SHROOM4: variants seen among roughly 807,000 people sequenced by gnomAD.
SHROOM4 encodes the protein shroom family member 4.
Under a neutral mutation model 80.3 loss-of-function variants are expected in SHROOM4, and 17 were observed. The ratio of observed to expected loss-of-function variants is 0.21; its 90% CI spans 0.14 to 0.32. The LOEUF (loss-of-function observed/expected upper bound fraction) is 0.32. SHROOM4 is among the 10% of genes least tolerant of loss of function. The pLI is 1.00. For missense variants in SHROOM4, 993 were observed against 1,140.3 expected, an observed-to-expected ratio of 0.87 and a Z score of 1.86; for synonymous variants, 400 against 437.5, an observed-to-expected ratio of 0.91 and a Z score of 1.07.
intron 1 of SHROOM4, among the ~76,000 whole-genome samples, chrX:50,726,744 T>C (rs782296445): frequency 8.8e-6 from 1 of 113,099 alleles, no homozygotes; most frequent in African/African-American, 3.2e-5. Context: ...GGTATGGAAA[T>C]GCCTGGATGT....
chrX:50,787,348 T>C (rs1569549023), intron 1 of SHROOM4, among the ~76,000 whole-genome samples: 5 of 111,253 alleles, frequency 4.5e-5, no homozygotes, highest in Non-Finnish European at 9.4e-5. Context: ...AGACAAGTCG[T>C]TGGTAATTAT....
chrX:50,579,198 G>C, the SHROOM4 span, among the ~76,000 whole-genome samples: 7 of 112,050 alleles, frequency 6.2e-5, no homozygotes, highest in Non-Finnish European at 1.3e-4. Flanking sequence ...GTTATAACTT[G>C]TAAACCAGAA....
Position 50,607,497 on chromosome X carries a change from G to T in SHROOM4, c.3645C>A (p.Phe1215Leu). ...CCAAGTGACCCCTTATTGGAGGCAAGAAATCACTGGAATGGAGTGCAAAGG... is the reference window on the plus strand; with the variant it reads ...CCAAGTGACCCCTTATTGGAGGCAATAAATCACTGGAATGGAGTGCAAAGG... ...QESFALHSSD[F>L]LPPIRGHLGS... The change falls in exon 6 of 9, where the codon TTC becomes TTA. Residue 1215 changes from phenylalanine to leucine, a missense_variant. Transcript: ENST00000376020. 3 of 1,211,416 alleles carry T rather than the reference G, an allele frequency of 2.5e-6. No homozygotes were observed. The highest frequency in any genetic ancestry group is 3.5e-5 in the South Asian group (2 of 56,915).
rs1930861772 is a variant in SHROOM4 at position 50,627,680 on chromosome X, A to G, written c.2896-5T>C. ...CCATTTGTCCCCAGGAAATTCCTGT[A>G]AAGAAAAATCCTGATAAGTTAGAAA... On this transcript the variant is annotated splice_polypyrimidine_tract_variant and splice_region_variant and intron_variant, in intron 4 of 8. Coordinates refer to ENST00000376020, the MANE Select transcript of SHROOM4 (RefSeq NM_020717.5). The G allele has an allele frequency of 1.7e-6, 2 of 1,203,558 alleles. No individual in the cohort carries two copies. Among genetic ancestry groups the G allele is most frequent in the Admixed American group, 4.4e-5 (2 of 45,753 alleles).
In SHROOM4 at chrX:50,689,708, C is replaced by T. The variant is rs185114662; in HGVS notation, c.269+6078G>A. On this transcript the variant is annotated intron_variant, in intron 2 of 8. Coordinates refer to ENST00000376020, the MANE Select transcript of SHROOM4 (RefSeq NM_020717.5). ...CCTTTGAACTGGTTGTAACACTTTA[C>T]GTTTTCCTCATTAATGAGTGAAATA... Among the ~76,000 whole-genome samples the T allele has an allele frequency of 4.0e-3, 449 of 111,951 alleles. 4 individuals carry two copies. Among genetic ancestry groups the T allele is most frequent in the African/African-American group, 0.014 (417 of 30,848 alleles).
chrX:50,580,234 A>G, the SHROOM4 span, among the ~76,000 whole-genome samples: 1 of 112,290 alleles, frequency 8.9e-6, no homozygotes, highest in African/African-American at 3.2e-5. Context: ...CATCAGAATC[A>G]GCTAGAGGGC....
chrX:50,735,732 G>A (rs1934469918), intron 1 of SHROOM4, among the ~76,000 whole-genome samples: 1 of 111,782 alleles, frequency 8.9e-6, no homozygotes, highest in Admixed American at 9.5e-5. Flanking sequence ...ACGTGGCTGG[G>A]CGCAGTGGCT....
chrX:50,674,672 T>C (rs1932833995), intron 2 of SHROOM4, among the ~76,000 whole-genome samples: 1 of 111,536 alleles, frequency 9.0e-6, no homozygotes, highest in East Asian at 2.8e-4. Context: ...ATCTAGGACA[T>C]TGAAAATAGT....
At chrX:50,609,505 C>A (rs1008477480) in intron 5 of SHROOM4, among the ~76,000 whole-genome samples, 1 of 110,613 alleles carries the variant, frequency 9.0e-6, no homozygotes, top group Non-Finnish European at 1.9e-5. Context: ...AGAAACAAAG[C>A]AGACTACCTA....
At position 50,633,283 on chromosome X, in the gene SHROOM4, T is replaced by G. The variant is rs782294312; in HGVS notation, c.2790A>C (p.Gln930His). 1.7e-6 allele frequency: 2 copies of G among 1,211,317 alleles called. No individual in the cohort carries two copies. The highest frequency in any genetic ancestry group is 2.2e-6 in the Non-Finnish European group (2 of 895,383). ...NCYNCRCHHH[Q>H]CIRCSVCYHN... ...GATAGCAAACTGAACACCGAATGCA[T>G]TGGTGGTGGTGGCACCGGCAGTTGT... Residue 930 changes from glutamine to histidine, a missense_variant, in exon 4 of 9, where the codon CAA becomes CAC. Transcript: ENST00000376020.
At chrX:50,704,344 A>G (rs1212264469) in intron 1 of SHROOM4, among the ~76,000 whole-genome samples, 1 of 112,252 alleles carries the variant, frequency 8.9e-6, no homozygotes, top group Non-Finnish European at 1.9e-5. Context: ...TTCTACTTGG[A>G]TTAATATAAT....
At chrX:50,632,812 A>T (rs1159557691) in intron 4 of SHROOM4, among the ~76,000 whole-genome samples, 1 of 111,223 alleles carries the variant, frequency 9.0e-6, no homozygotes, top group Admixed American at 9.6e-5. Flanking sequence ...AGGTAGTGAG[A>T]CTCTTCTTAA....
intron 1 of SHROOM4, among the ~76,000 whole-genome samples, chrX:50,784,623 C>T (rs782688459): frequency 8.9e-6 from 1 of 111,893 alleles, no homozygotes; most frequent in South Asian, 3.7e-4. Context: ...CAAAATGGAT[C>T]CTAAACCCAA....
rs141215384 is a variant in SHROOM4 at position 50,671,069 on chromosome X, G to A, written c.269+24717C>T. Among the ~76,000 whole-genome samples the A allele has an allele frequency of 5.8e-3, 645 of 111,824 alleles. 3 individuals are homozygous for A. The highest frequency in any genetic ancestry group is 0.02 in the African/African-American group (615 of 30,777). On this transcript the variant is annotated intron_variant, in intron 2 of 8. Coordinates refer to ENST00000376020, the MANE Select transcript of SHROOM4 (RefSeq NM_020717.5). ...TACATATCCATCAGGGTGCTTGGGT[G>A]ATCAGGTGCATTGTTAATGAGCAGT... is the stretch of plus-strand genomic sequence containing the variant.
At chrX:50,612,022 GA>G in intron 5 of SHROOM4, among the ~76,000 whole-genome samples, 1 of 110,826 alleles carries the variant, frequency 9.0e-6, no homozygotes, top group South Asian at 3.8e-4. Flanking sequence ...AACAAAAGAA[GA>G]AAAGAATCAT....
chrX:50,656,978 T>C (rs1387490027), intron 2 of SHROOM4, among the ~76,000 whole-genome samples: 1 of 111,290 alleles, frequency 9.0e-6, no homozygotes, highest in Non-Finnish European at 1.9e-5. Context: ...GATTTTTACC[T>C]CATTGATTAA....
At chrX:50,584,934 G>A (rs1419378072), downstream of SHROOM4, among the ~76,000 whole-genome samples, 1 of 111,373 alleles carries the variant, frequency 9.0e-6, no homozygotes, top group Non-Finnish European at 1.9e-5. Flanking sequence ...CTTTATATGG[G>A]AGATTAACTA....
chrX:50,740,541 C>T (rs190296903), intron 1 of SHROOM4, among the ~76,000 whole-genome samples: 20 of 111,067 alleles, frequency 1.8e-4, no homozygotes, highest in African/African-American at 5.9e-4. Flanking sequence ...ACAGAATAAC[C>T]AGGCAGAAAA....
At chrX:50,602,216 C>T (rs1040017343) in intron 7 of SHROOM4, among the ~76,000 whole-genome samples, 4 of 109,532 alleles carry the variant, frequency 3.7e-5, no homozygotes, top group Admixed American at 9.7e-5. Flanking sequence ...CTCAGCCTCC[C>T]GAGCAGCTGA....
Sources: allele counts gnomAD v4.1 joint callset (sites outside exome capture counted in the v4.1 genomes callset), GRCh38; gene constraint gnomAD v4.1.1; transcripts MANE v1.5; gene names NCBI Gene and HGNC (gene_info 2026-07-23, HGNC 2026-07-21).